Variants in ITGB6 observed in about 807,000 individuals in gnomAD.
ITGB6 encodes integrin subunit beta 6.
A neutral mutation model predicts 84.5 loss-of-function variants in ITGB6; 80 were observed. That is an observed-to-expected ratio of 0.95 (90% CI 0.79 to 1.14). The LOEUF is 1.14. ITGB6 is among the 50% of genes most tolerant of loss of function. The pLI is 0.00. For synonymous variants in ITGB6, 383 were observed against 354.9 expected (o/e 1.08, Z -0.89); for missense variants, 1,006 against 968.0 (o/e 1.04, Z -0.52).
rs1050990851 is a variant in ITGB6, at chr2:160,195,408, A to G, written c.554T>C (p.Phe185Ser). ...GSFVEKPVSP[F>S]VKTTPEEIAN... ...AATTTCTTCTGGTGTTGTTTTCACA[A>G]AAGGGGATACAGGTTTTTCCACAAA... The change falls in exon 4 of 15, where the codon TTT (phenylalanine) becomes TCT (serine). Residue 185 changes from phenylalanine to serine, a missense_variant. By Grantham distance (155) the Phe-to-Ser change is radical. Coordinates refer to ENST00000283249, the MANE Select transcript of ITGB6 (RefSeq NM_000888.5). 4 of 1,614,182 alleles carry G rather than the reference A, an allele frequency of 2.5e-6. No homozygotes were observed. Among genetic ancestry groups the G allele is most frequent in the Non-Finnish European group, 3.4e-6 (4 of 1,179,996 alleles).
rs1268887120 is a variant in ITGB6, at chr2:160,196,281, C to T, written c.281G>A (p.Arg94Lys). 1.2e-6 allele frequency: 2 copies of T among 1,613,952 alleles called. No individual in the cohort carries two copies. Among genetic ancestry groups the T allele is most frequent in the East Asian group, 4.5e-5 (2 of 44,860 alleles). Reference sequence around the variant, plus strand: ...AACAATGTCAGAACTATTTTTCTGTCTGCCTACACTGAGAGGCTTATTTTT... The same window carrying T: ...AACAATGTCAGAACTATTTTTCTGTTTGCCTACACTGAGAGGCTTATTTTT... ...ILKNKPLSVG[R>K]QKNSSDIVQI... The change falls in exon 3 of 15, where the codon AGA becomes AAA. Residue 94 changes from arginine (R) to lysine (K), a missense_variant. Arg to Lys is a conservative substitution (Grantham distance 26). Transcript: ENST00000283249.
At position 160,101,534 on chromosome 2, in the gene ITGB6, C is replaced by T; in HGVS notation, c.*202G>A. 14 of 539,380 alleles carry T rather than the reference C, an allele frequency of 2.6e-5. No homozygotes were observed. In the South Asian group the frequency reaches 3.1e-4, roughly 12 times the overall value. The allele number at this position is 539,380 out of a possible 1,614,324, so 33.4% of individuals were successfully genotyped here. A position where few individuals can be genotyped will look rare whatever the true frequency, so the allele number is the denominator to read the frequency against. On this transcript the variant is annotated 3_prime_UTR_variant, in exon 15 of 15. Transcript: ENST00000283249. The stretch of plus-strand genomic sequence containing the variant: ...TTCCTCAAATGATCCCCAAAGTCAT[C>T]TCTTTGCTAAGGATATTTCTCTTCT...
At chr2:160,115,494 C>A (rs1682726915) in intron 12 of ITGB6, among the ~76,000 whole-genome samples, 1 of 152,186 alleles carries the variant, frequency 6.6e-6, no homozygotes, top group Non-Finnish European at 1.5e-5. Context: ...AGGACATCCA[C>A]ACCAAAAACC....
In ITGB6 at chr2:160,153,315, C is replaced by A. The variant is rs1452459211; in HGVS notation, c.1018-11244G>T. Among the ~76,000 whole-genome samples, 2 of 152,156 alleles carry A rather than the reference C, an allele frequency of 1.3e-5. 1 individual carries two copies. The highest frequency in any genetic ancestry group is 2.9e-5 in the Non-Finnish European group (2 of 68,020). ...TACAACCATCTGATCTTTGACAAACCTGACAAAAACAAGCAATGGGAAAAG... is the reference window on the plus strand; with the variant it reads ...TACAACCATCTGATCTTTGACAAACATGACAAAAACAAGCAATGGGAAAAG... On this transcript the variant is annotated intron_variant, in intron 7 of 14. Transcript: ENST00000283249.
At chr2:160,125,645 G>A (rs1683210068) in intron 11 of ITGB6, among the ~76,000 whole-genome samples, 1 of 152,180 alleles carries the variant, frequency 6.6e-6, no homozygotes. Context: ...GGGCATCAGA[G>A]TTCATGAAAA....
Position 160,132,911 on chromosome 2 carries a change from G to A in ITGB6, c.1660+4523C>T, listed in dbSNP as rs1683531426. ...CTTTCCTGTAGGCTTTTTCACACATGCAGTTACTCATCTTTCTTATGCTCA... is the reference window on the plus strand; with the variant it reads ...CTTTCCTGTAGGCTTTTTCACACATACAGTTACTCATCTTTCTTATGCTCA... On this transcript the variant is annotated intron_variant, in intron 10 of 14. Coordinates refer to ENST00000283249, the MANE Select transcript of ITGB6 (RefSeq NM_000888.5). Among the ~76,000 whole-genome samples the A allele has an allele frequency of 2.0e-5, 3 of 152,076 alleles. No homozygotes were observed. The South Asian group carries it at 6.2e-4, about 32-fold the overall frequency.
intron 10 of ITGB6, among the ~76,000 whole-genome samples, chr2:160,135,655 A>G (rs1683680731): frequency 1.3e-5 from 2 of 151,450 alleles, no homozygotes; most frequent in South Asian, 4.2e-4. Context: ...TTCAAACTAT[A>G]CTACAAGGCT....
At chr2:160,160,773 C>T (rs1684784875) in intron 7 of ITGB6, among the ~76,000 whole-genome samples, 1 of 152,146 alleles carries the variant, frequency 6.6e-6, no homozygotes, top group Admixed American at 6.5e-5. Context: ...GAGCTCCCTT[C>T]AAACTTACAG....
chr2:160,159,565 G>A (rs900250501), intron 7 of ITGB6, among the ~76,000 whole-genome samples: 7 of 152,076 alleles, frequency 4.6e-5, no homozygotes, highest in African/African-American at 1.7e-4. Context: ...AGATTGAAGG[G>A]TCTGGTTTCT....
At chr2:160,144,144 A>G (rs1457241) in intron 7 of ITGB6, among the ~76,000 whole-genome samples, 120,043 of 152,140 alleles carry the variant, frequency 0.79, 48,312 homozygotes, top group African/African-American at 0.95. Context: ...CTGAAGCAAC[A>G]CTCTCACCTC....
intron 4 of ITGB6, among the ~76,000 whole-genome samples, chr2:160,174,907 C>T (rs770591515): frequency 2.6e-4 from 40 of 152,222 alleles, no homozygotes; most frequent in Admixed American, 3.3e-4. Flanking sequence ...CCTGGCCCAG[C>T]ATCATGAGCA....
intron 4 of ITGB6, among the ~76,000 whole-genome samples, chr2:160,185,892 ATGGTGT>A (rs1173171166): frequency 3.3e-5 from 5 of 152,206 alleles, no homozygotes; most frequent in African/African-American, 1.2e-4. Flanking sequence ...TACTTAATAA[ATGGTGT>A]TGGGAAAACT....
At chr2:160,176,692 T>C (rs76035729) in intron 4 of ITGB6, among the ~76,000 whole-genome samples, 5,345 of 152,262 alleles carry the variant, frequency 0.035, 154 homozygotes, top group South Asian at 0.094. Flanking sequence ...TCACACAGTC[T>C]AGAACAGACC....
rs1298376750 is a variant in ITGB6 at position 160,196,206 on chromosome 2, C to A, written c.346+10G>T. On this transcript the variant is annotated intron_variant, in intron 3 of 14. Transcript: ENST00000283249. The stretch of plus-strand genomic sequence containing the variant: ...TTAGATCTATTTACATGAGCCAAAT[C>A]CTAACATACCTGGTCTCAACTTAAG... The A allele has an allele frequency of 1.2e-6, 2 of 1,612,218 alleles. No homozygotes were observed. The highest frequency in any genetic ancestry group is 1.1e-5 in the South Asian group (1 of 91,014).
At chr2:160,183,378 C>A (rs1026766162) in intron 4 of ITGB6, among the ~76,000 whole-genome samples, 1 of 151,942 alleles carries the variant, frequency 6.6e-6, no homozygotes, top group Admixed American at 6.6e-5. Context: ...CAACAAAGAT[C>A]AAAAAAGACA....
chr2:160,199,262 G>C lies in ITGB6; in HGVS notation c.62-4C>G. ...GCACCTCCCAGGGCACAGCCACCTAGGTTTAGACCCAGCAAGATGCAGGGA... is the reference window on the plus strand; with the variant it reads ...GCACCTCCCAGGGCACAGCCACCTACGTTTAGACCCAGCAAGATGCAGGGA... On this transcript the variant is annotated splice_polypyrimidine_tract_variant and splice_region_variant and intron_variant, in intron 1 of 14. Transcript: ENST00000283249. The C allele has an allele frequency of 6.2e-7, 1 of 1,612,902 alleles. No individual in the cohort carries two copies. Among genetic ancestry groups the C allele is most frequent in the Non-Finnish European group, 8.5e-7 (1 of 1,178,962 alleles).
chr2:160,101,313 C>G lies in ITGB6; in HGVS notation c.*423G>C, dbSNP rs4470295. Reference sequence around the variant, plus strand: ...CCTTTAAGAGAGGGCATATTTCCTACAAGTTTAGAATTAATTGGCAAGTAT... The same window carrying G: ...CCTTTAAGAGAGGGCATATTTCCTAGAAGTTTAGAATTAATTGGCAAGTAT... On this transcript the variant is annotated 3_prime_UTR_variant, in exon 15 of 15. Coordinates refer to ENST00000283249, the MANE Select transcript of ITGB6 (RefSeq NM_000888.5). 0.42 allele frequency: 65,864 copies of G among 156,570 alleles called. 18,837 individuals carry two copies. The highest frequency in any genetic ancestry group is 0.81 in the African/African-American group (33,572 of 41,498). The allele number at this position is 156,570 out of a possible 1,614,324, so 9.7% of individuals were successfully genotyped here. A position where few individuals can be genotyped will look rare whatever the true frequency, so the allele number is the denominator to read the frequency against.
chr2:160,172,837 A>G (rs1685266725), intron 5 of ITGB6, 107 bp from the exon 6 acceptor site: 2 of 790,618 alleles, frequency 2.5e-6, no homozygotes, highest in South Asian at 2.1e-5. Context: ...TAATATTGCT[A>G]GTCTATTTTA....
intron 7 of ITGB6, among the ~76,000 whole-genome samples, chr2:160,145,805 C>T (rs1684164744): frequency 6.6e-6 from 1 of 152,130 alleles, no homozygotes; most frequent in South Asian, 2.1e-4. Context: ...CTTGCAGAGC[C>T]TCTCTGGCTT....
Sources: allele counts gnomAD v4.1 joint callset (sites outside exome capture counted in the v4.1 genomes callset), GRCh38; gene constraint gnomAD v4.1.1; transcripts MANE v1.5; gene names NCBI Gene and HGNC (gene_info 2026-07-23, HGNC 2026-07-21).